Variants in ATXN10 observed in about 807,000 individuals in gnomAD.
ATXN10 encodes ataxin 10, also known as ataxin-10.
ATXN10 carries 28 observed loss-of-function variants against 52.9 expected under a neutral mutation model. That is an observed-to-expected ratio of 0.53 (90% CI 0.39 to 0.73). The LOEUF is 0.73. ATXN10 is among the 30% of genes least tolerant of loss of function. The probability of loss-of-function intolerance (pLI) is 0.00; values close to 1 mark genes in which losing one functional copy is unlikely to be tolerated. For synonymous variants in ATXN10, 226 were observed against 221.5 expected, an observed-to-expected ratio of 1.02 and a Z score of -0.18; for missense variants, 565 against 577.0, an observed-to-expected ratio of 0.98 and a Z score of 0.21.
intron 9 of ATXN10, among the ~76,000 whole-genome samples, chr22:45,782,399 G>T (rs1405355702): frequency 6.6e-6 from 1 of 152,196 alleles, no homozygotes; most frequent in African/African-American, 2.4e-5. Flanking sequence ...CCAAAGACTG[G>T]AAACAACCCA....
In ATXN10 at chr22:45,757,617, A is replaced by C. The variant is rs1169104697; in HGVS notation, c.1173+17079A>C. Among the ~76,000 whole-genome samples the C allele has an allele frequency of 6.6e-6, 1 of 152,192 alleles. No homozygotes were observed. Among genetic ancestry groups the C allele is most frequent in the Non-Finnish European group, 1.5e-5 (1 of 68,034 alleles). ...CATTTCTAGCCATTTTAGAAAAAAA[A>C]AAACATTAGTACAGTATTAGTAAAT... is the stretch of plus-strand genomic sequence containing the variant. On this transcript the variant is annotated intron_variant, in intron 9 of 11. Coordinates refer to ENST00000252934, the MANE Select transcript of ATXN10 (RefSeq NM_013236.4). The surrounding 1 kb of genome is among the most constrained non-coding windows in gnomAD (Gnocchi z 4.6).
chr22:45,710,922 G>C (rs1924222623), intron 5 of ATXN10, among the ~76,000 whole-genome samples: 1 of 152,114 alleles, frequency 6.6e-6, no homozygotes, highest in Non-Finnish European at 1.5e-5. Context: ...CTTATCTGAA[G>C]CAGATAAGCC....
At chr22:45,831,311 A>G (rs1928983829) in intron 10 of ATXN10, among the ~76,000 whole-genome samples, 1 of 152,282 alleles carries the variant, frequency 6.6e-6, no homozygotes, top group South Asian at 2.1e-4. Flanking sequence ...TAACACTACC[A>G]ATGTGTACTC....
chr22:45,721,280 A>G (rs187643362), intron 6 of ATXN10, among the ~76,000 whole-genome samples: 68 of 152,316 alleles, frequency 4.5e-4, no homozygotes, highest in Admixed American at 4.1e-3. Flanking sequence ...TGCTCGTGGT[A>G]AACAGCTTGT....
intron 9 of ATXN10, among the ~76,000 whole-genome samples, chr22:45,742,710 G>A (rs1368881330): frequency 2.0e-5 from 3 of 152,174 alleles, no homozygotes; most frequent in Non-Finnish European, 2.9e-5. Flanking sequence ...TTATGTAGCC[G>A]TTGATAGCTG....
intron 9 of ATXN10, among the ~76,000 whole-genome samples, chr22:45,788,528 G>A (rs1201688119): frequency 6.6e-6 from 1 of 151,726 alleles, no homozygotes; most frequent in Non-Finnish European, 1.5e-5. Flanking sequence ...TTCAGCGTCT[G>A]CAGCAGCTTC....
intron 4 of ATXN10, among the ~76,000 whole-genome samples, chr22:45,700,756 A>G (rs1456582664): frequency 6.6e-6 from 1 of 152,268 alleles, no homozygotes; most frequent in African/African-American, 2.4e-5. Context: ...CAATTAAAAT[A>G]GAGCATCAAA....
Position 45,678,958 on chromosome 22 carries a change from ATAAATTTG to A in ATXN10, c.116+6793_116+6800del, listed in dbSNP as rs1922807415. ...TATATTTGTAATTTATATTTACAAA[ATAAATTTG>A]TAAATTTGTAAATATAAATGTCTTA... On this transcript the variant is annotated intron_variant, in intron 1 of 11. Coordinates refer to ENST00000252934, the MANE Select transcript of ATXN10 (RefSeq NM_013236.4). The surrounding 1 kb of genome is among the most constrained non-coding windows in gnomAD (Gnocchi z 4.1). 1.3e-5 allele frequency: 2 copies of A among 152,366 alleles called. No homozygotes were observed. The highest frequency in any genetic ancestry group is 2.1e-4 in the South Asian group (1 of 4,834). The allele number at this position is 152,366 out of a possible 1,614,324, so 9.4% of individuals were successfully genotyped here.
intron 3 of ATXN10, among the ~76,000 whole-genome samples, chr22:45,694,939 TCAAAAAAAA>T (rs1445890130): frequency 3.6e-5 from 1 of 27,444 alleles, no homozygotes; most frequent in African/African-American, 2.3e-4. Context: ...AGACTCTGTC[TCAAAAAAAA>T]AAAAAAAAAA....
chr22:45,739,501 G>A lies in ATXN10; in HGVS notation c.1003+662G>A, dbSNP rs370396284. On this transcript the variant is annotated intron_variant, in intron 8 of 11. Transcript: ENST00000252934. ...GTCTAGCAGTATAGATGAGCTAGCA[G>A]TCAGCTGTAGAGGAAGATCCTTAGA... is the stretch of plus-strand genomic sequence containing the variant. Among the ~76,000 whole-genome samples, 12 of 152,342 alleles carry A rather than the reference G, an allele frequency of 7.9e-5. No homozygotes were observed. In the South Asian group the frequency reaches 1.7e-3, roughly 21 times the overall value.
intron 9 of ATXN10, among the ~76,000 whole-genome samples, chr22:45,797,754 C>G (rs1927794067): frequency 1.3e-5 from 2 of 152,140 alleles, no homozygotes; most frequent in Non-Finnish European, 2.9e-5. Flanking sequence ...TCCATGTAAT[C>G]AGAAGCTGGA....
At chr22:45,685,557 G>A (rs1037960216) in intron 1 of ATXN10, among the ~76,000 whole-genome samples, 7 of 152,082 alleles carry the variant, frequency 4.6e-5, no homozygotes, top group East Asian at 1.9e-4. Context: ...TTTCATTGTC[G>A]TTAATCATTA....
Position 45,696,918 on chromosome 22 carries a change from A to T in ATXN10, c.392-3364A>T, listed in dbSNP as rs1923630968. On this transcript the variant is annotated intron_variant, in intron 3 of 11. Coordinates refer to ENST00000252934, the MANE Select transcript of ATXN10 (RefSeq NM_013236.4). This position sits in a 1 kb window ranked among gnomAD's most constrained non-coding sequence, Gnocchi z 4.7. The stretch of plus-strand genomic sequence containing the variant: ...TATTTGGTTGTTAGCTTGGCTATTC[A>T]CTCATATTCACTAGGCAGAGAGGGC... Among the ~76,000 whole-genome samples, 2 of 152,118 alleles carry T rather than the reference A, an allele frequency of 1.3e-5. No individual in the cohort carries two copies. Among genetic ancestry groups the T allele is most frequent in the African/African-American group, 4.8e-5 (2 of 41,428 alleles).
At chr22:45,836,234 T>C (rs1348527675) in intron 10 of ATXN10, among the ~76,000 whole-genome samples, 1 of 152,212 alleles carries the variant, frequency 6.6e-6, no homozygotes, top group African/African-American at 2.4e-5. Context: ...CTGACATAAA[T>C]GAGAGTTGAG....
At position 45,684,661 on chromosome 22, in the gene ATXN10, A is replaced by G. The variant is rs1923065119; in HGVS notation, c.117-5051A>G. On this transcript the variant is annotated intron_variant, in intron 1 of 11. Coordinates refer to ENST00000252934, the MANE Select transcript of ATXN10 (RefSeq NM_013236.4). The surrounding 1 kb of genome is among the most constrained non-coding windows in gnomAD (Gnocchi z 4.1). ...GAGGCTGTTTGGCCATCAGAGCTGG[A>G]AATATTCACTCTCTGACCCTTTACA... 6.6e-6 allele frequency among the ~76,000 whole-genome samples: 1 copy of G among 152,190 alleles called. No individual in the cohort carries two copies. Among genetic ancestry groups the G allele is most frequent in the African/African-American group, 2.4e-5 (1 of 41,444 alleles).
rs962218816 is a variant in ATXN10, at chr22:45,733,649, C to T, written c.894+4059C>T. On this transcript the variant is annotated intron_variant, in intron 7 of 11. Transcript: ENST00000252934. This position sits in a 1 kb window ranked among gnomAD's most constrained non-coding sequence, Gnocchi z 4.4. ...TACTCGGGAGGCTGTCCCAGCTACT[C>T]GGGAGGCGGAGGCAGAGAATCACGT... Among the ~76,000 whole-genome samples the T allele has an allele frequency of 9.2e-5, 14 of 151,908 alleles. No individual in the cohort carries two copies. The highest frequency in any genetic ancestry group is 3.4e-3 in the Middle Eastern group (1 of 294).
rs1926443269 is a variant in ATXN10 at position 45,762,762 on chromosome 22, C to G, written c.1173+22224C>G. 6.6e-6 allele frequency among the ~76,000 whole-genome samples: 1 copy of G among 152,220 alleles called. No individual in the cohort carries two copies. Among genetic ancestry groups the G allele is most frequent in the South Asian group, 2.1e-4 (1 of 4,834 alleles). On this transcript the variant is annotated intron_variant, in intron 9 of 11. Transcript: ENST00000252934. The surrounding 1 kb of genome is among the most constrained non-coding windows in gnomAD (Gnocchi z 4.3). Reference sequence around the variant, plus strand: ...ATGGCCCCAGCCATCTCTCCACATCCTCCCCTCCCTGCTGTGGAGCCCCCA... The same window carrying G: ...ATGGCCCCAGCCATCTCTCCACATCGTCCCCTCCCTGCTGTGGAGCCCCCA...
At chr22:45,803,286 C>T (rs1383815468) in intron 9 of ATXN10, among the ~76,000 whole-genome samples, 1 of 152,204 alleles carries the variant, frequency 6.6e-6, no homozygotes, top group Non-Finnish European at 1.5e-5. Flanking sequence ...TGCCGCACTG[C>T]CTCCCAGTTC....
At position 45,835,456 on chromosome 22, in the gene ATXN10, A is replaced by T. The variant is rs13055510; in HGVS notation, c.1238-7535A>T. Among the ~76,000 whole-genome samples, 5 of 152,198 alleles carry T rather than the reference A, an allele frequency of 3.3e-5. No individual in the cohort carries two copies. The highest frequency in any genetic ancestry group is 1.2e-4 in the African/African-American group (5 of 41,456). On this transcript the variant is annotated intron_variant, in intron 10 of 11. Coordinates refer to ENST00000252934, the MANE Select transcript of ATXN10 (RefSeq NM_013236.4). The surrounding 1 kb of genome is among the most constrained non-coding windows in gnomAD (Gnocchi z 5.0). Reference sequence around the variant, plus strand: ...AGAGGAGGCCTGTGAAGTCAGGAACATCTCCCCTCTCCCTTTGCAATTTAT... The same window carrying T: ...AGAGGAGGCCTGTGAAGTCAGGAACTTCTCCCCTCTCCCTTTGCAATTTAT...
Sources: gnomAD v4.1 joint callset for allele counts (sites outside exome capture counted in the v4.1 genomes callset) on GRCh38, gnomAD v4.1.1 for gene constraint, Gnocchi (gnomAD v3.1) non-coding constraint, MANE v1.5 for transcripts, NCBI Gene and HGNC (gene_info 2026-07-23, HGNC 2026-07-21) for gene names.